LAMA2: variants seen among roughly 807,000 people sequenced by gnomAD.
LAMA2 encodes the protein laminin subunit alpha-2.
A neutral mutation model predicts 364.8 loss-of-function variants in LAMA2; 269 were observed. The ratio of observed to expected loss-of-function variants is 0.74; its 90% CI spans 0.67 to 0.82. The LOEUF is 0.82. Ranked by LOEUF, LAMA2 falls within the 40% of genes least tolerant of loss-of-function variation. The pLI is 0.00. For missense variants in LAMA2, 3,807 were observed against 3,873.2 expected (o/e 0.98, Z 0.45); for synonymous variants, 1,379 against 1,370.6 (o/e 1.01, Z -0.14).
intron 7 of LAMA2, among the ~76,000 whole-genome samples, chr6:129,152,506 C>G (rs1778868645): frequency 6.6e-6 from 1 of 152,178 alleles, no homozygotes; most frequent in East Asian, 1.9e-4. Flanking sequence ...GGCATATTAT[C>G]ATGATCCTCG....
At chr6:129,253,544 A>G (rs1786414096) in intron 14 of LAMA2, among the ~76,000 whole-genome samples, 1 of 152,254 alleles carries the variant, frequency 6.6e-6, no homozygotes, top group Non-Finnish European at 1.5e-5. Context: ...GCTGGGTTAA[A>G]ATGCCATGGA....
intron 1 of LAMA2, among the ~76,000 whole-genome samples, chr6:129,027,429 G>A: frequency 6.6e-6 from 1 of 152,032 alleles, no homozygotes; most frequent in East Asian, 1.9e-4. Flanking sequence ...CATGTCGTAA[G>A]TGAATGAAAC....
At chr6:128,997,345 A>C (rs1784027066) in intron 1 of LAMA2, among the ~76,000 whole-genome samples, 3 of 107,278 alleles carry the variant, frequency 2.8e-5, no homozygotes, top group Admixed American at 1.8e-4. Context: ...AGAGAAAGAA[A>C]GAAAGAAAGA....
rs1392341524 is a variant in LAMA2 at position 129,401,212 on chromosome 6, A to G, written c.5446-12A>G. 11 of 1,498,784 alleles carry G rather than the reference A, an allele frequency of 7.3e-6. No individual in the cohort carries two copies. The Admixed American group carries it at 1.0e-4, about 14-fold the overall frequency. The allele number at this position is 1,498,784 out of a possible 1,614,324, so 92.8% of individuals were successfully genotyped here. On this transcript the variant is annotated splice_polypyrimidine_tract_variant and intron_variant, in intron 37 of 64. Transcript: ENST00000421865. ...AATGCAATTTTGATGTCTTGTTCAT[A>G]ATGGTCTACAGAAAAAGAAGGAGGC...
rs1355143531 is a variant in LAMA2 at position 129,188,853 on chromosome 6, G to A, written c.1468-1352G>A. 2.6e-5 allele frequency among the ~76,000 whole-genome samples: 4 copies of A among 151,976 alleles called. No homozygotes were observed. In the East Asian group the frequency reaches 7.7e-4, roughly 29 times the overall value. On this transcript the variant is annotated intron_variant, in intron 10 of 64. Coordinates refer to ENST00000421865, the MANE Select transcript of LAMA2 (RefSeq NM_000426.4). ...TAAATTTTTCTCCTTACTTCTTCAT[G>A]CTATTTTTCTCTTCTCTTCTGATTT...
At chr6:129,436,857 A>G (rs969897742) in intron 41 of LAMA2, 1 of 152,056 alleles carries the variant, frequency 6.6e-6, no homozygotes, top group Non-Finnish European at 1.5e-5. Flanking sequence ...GTATTCTTAT[A>G]TTTTCCTCAT....
intron 4 of LAMA2, among the ~76,000 whole-genome samples, chr6:129,099,869 C>T (rs1775417295): frequency 6.6e-6 from 1 of 152,196 alleles, no homozygotes; most frequent in South Asian, 2.1e-4. Flanking sequence ...TGCAGTGAGT[C>T]AAACAGCTGT....
rs1236005161 is a variant in LAMA2 at position 129,066,043 on chromosome 6, T to A, written c.396+6147T>A. ...TGTAAATTGCCCAGTCTCAGGTTTT[T>A]TTTTTTTTTTTTTTTTTTTTGAGAC... On this transcript the variant is annotated intron_variant, in intron 3 of 64. Transcript: ENST00000421865. Among the ~76,000 whole-genome samples, 30 of 75,594 alleles carry A rather than the reference T, an allele frequency of 4.0e-4. 7 individuals carry two copies. Among genetic ancestry groups the A allele is most frequent in the South Asian group, 2.4e-3 (4 of 1,686 alleles). 49.6% of individuals were successfully genotyped at this position (75,594 alleles called of 152,430 possible). A position where few individuals can be genotyped will look rare whatever the true frequency, so the allele number is the denominator to read the frequency against.
intron 41 of LAMA2, among the ~76,000 whole-genome samples, chr6:129,429,200 A>G (rs574404014): frequency 6.6e-6 from 1 of 152,310 alleles, no homozygotes; most frequent in East Asian, 1.9e-4. Flanking sequence ...TAGTTTTCTC[A>G]TAGGCTTGTC....
At chr6:129,272,356 G>A (rs954067380) in intron 17 of LAMA2, among the ~76,000 whole-genome samples, 3 of 152,048 alleles carry the variant, frequency 2.0e-5, no homozygotes, top group African/African-American at 4.8e-5. Flanking sequence ...AGTTATAATA[G>A]GACTCTCATA....
chr6:129,265,144 G>A (rs1787417364), intron 15 of LAMA2, among the ~76,000 whole-genome samples: 1 of 152,126 alleles, frequency 6.6e-6, no homozygotes, highest in Non-Finnish European at 1.5e-5. Context: ...GACAAGTGGA[G>A]TAATATTTCT....
intron 1 of LAMA2, among the ~76,000 whole-genome samples, chr6:128,985,518 A>G (rs979745142): frequency 1.3e-5 from 2 of 152,168 alleles, no homozygotes; most frequent in African/African-American, 2.4e-5. Context: ...ACAAAAGAAA[A>G]ATTCAGTTTA....
At chr6:129,074,204 T>C (rs1562214562) in intron 3 of LAMA2, among the ~76,000 whole-genome samples, 1 of 152,192 alleles carries the variant, frequency 6.6e-6, no homozygotes, top group Non-Finnish European at 1.5e-5. Flanking sequence ...CCAAGGATCT[T>C]CTTAGTTTTT....
chr6:129,102,105 G>T (rs1775548599), intron 4 of LAMA2, among the ~76,000 whole-genome samples: 1 of 148,440 alleles, frequency 6.7e-6, no homozygotes, highest in Non-Finnish European at 1.5e-5. Context: ...AATTTCTCTG[G>T]TTCATTTTCT....
intron 4 of LAMA2, among the ~76,000 whole-genome samples, chr6:129,112,463 A>G (rs117912502): frequency 0.015 from 2,210 of 152,160 alleles, 25 homozygotes; most frequent in Middle Eastern, 0.027. Flanking sequence ...GACAACAAAA[A>G]TGAGCTGGAA....
intron 28 of LAMA2, among the ~76,000 whole-genome samples, chr6:129,324,889 A>T (rs1331688216): frequency 2.0e-5 from 3 of 152,258 alleles, no homozygotes; most frequent in African/African-American, 7.2e-5. Context: ...CCTACATTCC[A>T]GGTGAGGAAA....
intron 33 of LAMA2, among the ~76,000 whole-genome samples, chr6:129,369,005 T>G (rs546689202): frequency 6.6e-6 from 1 of 152,266 alleles, no homozygotes; most frequent in Non-Finnish European, 1.5e-5. Context: ...TAAGAAGGTG[T>G]TAGGAATAAC....
intron 4 of LAMA2, among the ~76,000 whole-genome samples, chr6:129,099,916 G>A (rs939407897): frequency 6.6e-6 from 1 of 152,184 alleles, no homozygotes; most frequent in African/African-American, 2.4e-5. Context: ...CCAATTCCTG[G>A]CCAGTTTGGC....
rs1197846032 is a variant in LAMA2, at chr6:129,206,090, A to AAGGGAGGGAGGG, written c.1782+13245_1782+13256dup. ...GGGAAAGGAAAGGAAAGGAGGAAGGAAGGGAGGGAGGGAGGGAGGAAGGAA... is the reference window on the plus strand; with the variant it reads ...GGGAAAGGAAAGGAAAGGAGGAAGGAAGGGAGGGAGGGAGGGAGGGAGGGAGGGAGGAAGGAA... On this transcript the variant is annotated intron_variant, in intron 12 of 64. Coordinates refer to ENST00000421865, the MANE Select transcript of LAMA2 (RefSeq NM_000426.4). Among the ~76,000 whole-genome samples the AAGGGAGGGAGGG allele has an allele frequency of 1.5e-4, 17 of 112,010 alleles. 1 individual carries two copies. Among genetic ancestry groups the AAGGGAGGGAGGG allele is most frequent in the African/African-American group, 6.0e-4 (16 of 26,602 alleles). The allele number at this position is 112,010 out of a possible 152,430, so 73.5% of individuals were successfully genotyped here.
Sources: allele counts gnomAD v4.1 joint callset (sites outside exome capture counted in the v4.1 genomes callset), GRCh38; gene constraint gnomAD v4.1.1; transcripts MANE v1.5; gene names NCBI Gene and HGNC (gene_info 2026-07-23, HGNC 2026-07-21).